Variants in EXOC4 observed in about 807,000 individuals in gnomAD.
EXOC4 encodes exocyst complex component 4.
Under a neutral mutation model 107.2 loss-of-function variants are expected in EXOC4, and 71 were observed. That is an observed-to-expected ratio of 0.66 (90% confidence interval 0.55 to 0.81). The LOEUF (loss-of-function observed/expected upper bound fraction) is 0.81, where lower values mean the gene tolerates loss of function less well. Among genes scored for constraint, EXOC4 ranks in the 30% least tolerant of loss-of-function variants. EXOC4 has a pLI of 0.00. For synonymous variants in EXOC4, 456 were observed against 441.2 expected (o/e 1.03, Z -0.42); for missense variants, 1,108 against 1,189.6 (o/e 0.93, Z 1.01).
chr7:133,884,741 T>C (rs1158571461), intron 11 of EXOC4, among the ~76,000 whole-genome samples: 1 of 152,220 alleles, frequency 6.6e-6, no homozygotes, highest in Middle Eastern at 3.4e-3. Flanking sequence ...GCTAAAACAG[T>C]ACAGATACAG....
rs150767275 is a variant in EXOC4 at position 133,782,204 on chromosome 7, CA to C, written c.1515-35120del. Among the ~76,000 whole-genome samples, 834 of 152,226 alleles carry C rather than the reference CA, an allele frequency of 5.5e-3. 9 individuals carry two copies. Among genetic ancestry groups the C allele is most frequent in the African/African-American group, 0.019 (776 of 41,528 alleles). ...TTGGTAGTTATTTATCAAAGTGCTA[CA>C]TTAGGAAATGTTGTATTTATCCATA... On this transcript the variant is annotated intron_variant, in intron 10 of 17. Transcript: ENST00000253861.
intron 7 of EXOC4, among the ~76,000 whole-genome samples, chr7:133,375,762 A>G (rs1386373176): frequency 6.6e-6 from 1 of 152,198 alleles, no homozygotes; most frequent in Non-Finnish European, 1.5e-5. Flanking sequence ...TGTGAGGTAT[A>G]AATGTATCAC....
intron 11 of EXOC4, among the ~76,000 whole-genome samples, chr7:133,871,850 T>C (rs971016070): frequency 3.9e-5 from 6 of 152,192 alleles, no homozygotes; most frequent in African/African-American, 1.2e-4. Context: ...CCACCTAGCA[T>C]AGTTATGAGG....
At chr7:133,518,776 A>T (rs1799928370) in intron 9 of EXOC4, among the ~76,000 whole-genome samples, 1 of 152,120 alleles carries the variant, frequency 6.6e-6, no homozygotes, top group Admixed American at 6.5e-5. Flanking sequence ...GATGGTATCT[A>T]AAGTAGTCAC....
intron 17 of EXOC4, among the ~76,000 whole-genome samples, chr7:134,021,304 G>T (rs1018412645): frequency 6.6e-6 from 1 of 152,162 alleles, no homozygotes; most frequent in Non-Finnish European, 1.5e-5. Context: ...AGTACTGTAG[G>T]CCTGTTTCTT....
chr7:133,281,362 A>G (rs1038046745), intron 2 of EXOC4, among the ~76,000 whole-genome samples: 4 of 144,562 alleles, frequency 2.8e-5, no homozygotes, highest in Non-Finnish European at 6.1e-5. Flanking sequence ...AAAAGTCCAG[A>G]AAAAAAAAAA....
intron 17 of EXOC4, among the ~76,000 whole-genome samples, chr7:134,050,196 G>A (rs928212958): frequency 6.6e-6 from 1 of 152,150 alleles, no homozygotes; most frequent in Admixed American, 6.5e-5. Context: ...ATTGTCTCTA[G>A]GAAAGGAAAT....
At chr7:133,395,872 G>GT (rs907881061) in intron 7 of EXOC4, among the ~76,000 whole-genome samples, 30 of 150,440 alleles carry the variant, frequency 2.0e-4, no homozygotes, top group African/African-American at 4.2e-4. Context: ...TGCTTTTTTT[G>GT]TTTTTTTTCT....
chr7:134,077,562 G>A, the EXOC4 span, among the ~76,000 whole-genome samples: 19 of 152,280 alleles, frequency 1.2e-4, 1 homozygote, highest in African/African-American at 3.9e-4. Context: ...TATTGAGTGC[G>A]CTCAGGCCCA....
downstream of EXOC4, among the ~76,000 whole-genome samples, chr7:134,069,523 G>A (rs10272804): frequency 0.74 from 112,202 of 151,626 alleles, 41,902 homozygotes; most frequent in East Asian, 0.87. Context: ...TTTGAGACAA[G>A]GTCTCACTCT....
At chr7:133,636,936 A>T (rs1367366410) in intron 10 of EXOC4, among the ~76,000 whole-genome samples, 1 of 152,196 alleles carries the variant, frequency 6.6e-6, no homozygotes, top group East Asian at 1.9e-4. Context: ...AGTTGTAGTC[A>T]TATCATCTAA....
intron 9 of EXOC4, among the ~76,000 whole-genome samples, chr7:133,519,123 T>G (rs1799935274): frequency 6.6e-6 from 1 of 152,148 alleles, no homozygotes; most frequent in South Asian, 2.1e-4. Flanking sequence ...AAATATTGGT[T>G]ATTAATTTAG....
intron 14 of EXOC4, among the ~76,000 whole-genome samples, chr7:133,948,965 G>A (rs1211433875): frequency 1.3e-5 from 2 of 152,202 alleles, no homozygotes; most frequent in African/African-American, 4.8e-5. Flanking sequence ...CAATGCTGTT[G>A]TTCAGCTATC....
intron 10 of EXOC4, among the ~76,000 whole-genome samples, chr7:133,762,561 A>C (rs911844769): frequency 1.3e-5 from 2 of 152,176 alleles, no homozygotes; most frequent in Non-Finnish European, 2.9e-5. Flanking sequence ...TCAAGGTGCT[A>C]GATTGATATG....
At chr7:133,531,691 C>T (rs568872138) in intron 9 of EXOC4, among the ~76,000 whole-genome samples, 36 of 152,194 alleles carry the variant, frequency 2.4e-4, no homozygotes, top group African/African-American at 7.9e-4. Flanking sequence ...GTACATAAAT[C>T]CTCCTTGGAT....
chr7:133,650,682 T>A (rs1803120731), intron 10 of EXOC4, among the ~76,000 whole-genome samples: 1 of 152,164 alleles, frequency 6.6e-6, no homozygotes, highest in African/African-American at 2.4e-5. Flanking sequence ...TTTACACTAA[T>A]AATCCTGGCC....
chr7:134,074,580 G>C, the EXOC4 span, among the ~76,000 whole-genome samples: 2 of 152,220 alleles, frequency 1.3e-5, no homozygotes, highest in Admixed American at 1.3e-4. Flanking sequence ...GAGGAGCAAA[G>C]GGAGGAGGCC....
intron 14 of EXOC4, among the ~76,000 whole-genome samples, chr7:133,942,177 T>G (rs574679131): frequency 6.6e-6 from 1 of 152,230 alleles, no homozygotes; most frequent in African/African-American, 2.4e-5. Flanking sequence ...AGGGAGGCCC[T>G]TCTCTCTATC....
At chr7:133,486,952 C>A (rs973040898) in intron 9 of EXOC4, among the ~76,000 whole-genome samples, 1 of 152,238 alleles carries the variant, frequency 6.6e-6, no homozygotes, top group South Asian at 2.1e-4. Context: ...TAAAAATATT[C>A]TTATGCCAAG....
Sources: gnomAD v4.1 joint callset for allele counts (sites outside exome capture counted in the v4.1 genomes callset) on GRCh38, gnomAD v4.1.1 for gene constraint, MANE v1.5 for transcripts, NCBI Gene and HGNC (gene_info 2026-07-23, HGNC 2026-07-21) for gene names.